The following FAM78B variants were observed in gnomAD, a reference collection of about 807,000 sequenced individuals.
The protein encoded by FAM78B is family with sequence similarity 78 member B.
In FAM78B, 10 loss-of-function variants were observed where a neutral mutation model predicts 20.0. That is an observed-to-expected ratio of 0.50 (90% CI 0.31 to 0.85). The LOEUF is 0.85. Ranked by LOEUF, FAM78B falls within the 40% of genes least tolerant of loss-of-function variation. FAM78B has a pLI of 0.05. For missense variants in FAM78B, 283 were observed against 345.0 expected (o/e 0.82, Z 1.42); for synonymous variants, 135 against 132.8 (o/e 1.02, Z -0.12).
intron 1 of FAM78B, among the ~76,000 whole-genome samples, chr1:166,123,004 C>T (rs1243832424): frequency 6.6e-6 from 1 of 152,122 alleles, no homozygotes; most frequent in African/African-American, 2.4e-5. Context: ...AGCCTGATTT[C>T]AATCAGGGGC....
intron 1 of FAM78B, among the ~76,000 whole-genome samples, chr1:166,153,319 T>A (rs1238597596): frequency 6.6e-6 from 1 of 152,130 alleles, no homozygotes; most frequent in African/African-American, 2.4e-5. Flanking sequence ...GGGAAGGGCA[T>A]CTGGCTAAAG....
intron 1 of FAM78B, among the ~76,000 whole-genome samples, chr1:166,093,987 C>A (rs1364149559): frequency 7.9e-6 from 1 of 126,294 alleles, no homozygotes; most frequent in Non-Finnish European, 1.7e-5. Flanking sequence ...GAGGGGCACA[C>A]AGGGCTTGCG....
At chr1:166,153,320 C>T (rs1158484618) in intron 1 of FAM78B, among the ~76,000 whole-genome samples, 4 of 152,210 alleles carry the variant, frequency 2.6e-5, no homozygotes, top group African/African-American at 9.6e-5. Flanking sequence ...GGAAGGGCAT[C>T]TGGCTAAAGC....
At chr1:166,107,983 G>C (rs1653852696) in intron 1 of FAM78B, among the ~76,000 whole-genome samples, 1 of 152,070 alleles carries the variant, frequency 6.6e-6, no homozygotes, top group Admixed American at 6.6e-5. Flanking sequence ...AGGCATACAA[G>C]GGACATACCT....
intron 1 of FAM78B, among the ~76,000 whole-genome samples, chr1:166,136,943 A>G (rs989242556): frequency 1.3e-5 from 2 of 152,224 alleles, no homozygotes; most frequent in Non-Finnish European, 2.9e-5. Context: ...CGTATGGCTC[A>G]TAACTATCAT....
chr1:166,121,507 T>C (rs1481517639), intron 1 of FAM78B, among the ~76,000 whole-genome samples: 1 of 152,146 alleles, frequency 6.6e-6, no homozygotes, highest in Non-Finnish European at 1.5e-5. Context: ...TCTGTGTTCT[T>C]GGCCCTTCAG....
chr1:166,060,613 T>C, exon 3 of FAM78B: 1 of 1,289,142 alleles, frequency 7.8e-7, no homozygotes, highest in East Asian at 5.6e-5. Context: ...TCCTTCTCAG[T>C]CTCTGCCATG....
chr1:166,137,090 T>C (rs1490048634), intron 1 of FAM78B, among the ~76,000 whole-genome samples: 1 of 152,212 alleles, frequency 6.6e-6, no homozygotes, highest in Non-Finnish European at 1.5e-5. Context: ...GATGACGTGA[T>C]GTAGAGAGCA....
At chr1:166,160,012 C>T (rs1656082019) in intron 1 of FAM78B, among the ~76,000 whole-genome samples, 1 of 152,204 alleles carries the variant, frequency 6.6e-6, no homozygotes, top group African/African-American at 2.4e-5. Flanking sequence ...AGTGTTTCTG[C>T]TGAGAAGCAG....
At chr1:166,125,205 T>G (rs1034200500) in intron 1 of FAM78B, among the ~76,000 whole-genome samples, 2 of 152,206 alleles carry the variant, frequency 1.3e-5, no homozygotes, top group African/African-American at 4.8e-5. Context: ...GTTTAGCTTC[T>G]TTTTCCTATG....
At chr1:166,058,499 TTGTGTGTGTGTGTGTG>T (rs67247909) in exon 3 of FAM78B, 1 of 145,948 alleles carries the variant, frequency 6.9e-6, no homozygotes, top group Non-Finnish European at 1.5e-5. Flanking sequence ...TCCCTAGGCT[TTGTGTGTGTGTGTGTG>T]TGTGTGTGTG....
intron 1 of FAM78B, among the ~76,000 whole-genome samples, chr1:166,146,721 A>G (rs1342729882): frequency 1.3e-5 from 2 of 152,226 alleles, no homozygotes; most frequent in East Asian, 3.8e-4. Context: ...TGGGATGTTA[A>G]AAGTAGACAA....
At chr1:166,079,386 A>G (rs1652475578) in intron 1 of FAM78B, among the ~76,000 whole-genome samples, 1 of 152,034 alleles carries the variant, frequency 6.6e-6, no homozygotes, top group East Asian at 1.9e-4. Flanking sequence ...ATGTCCCTAA[A>G]CATACCTCCA....
intron 1 of FAM78B, among the ~76,000 whole-genome samples, chr1:166,103,852 A>T (rs1653649640): frequency 6.6e-6 from 1 of 152,222 alleles, no homozygotes; most frequent in South Asian, 2.1e-4. Context: ...AACTCATTTT[A>T]TGAGGCCAGC....
intron 1 of FAM78B, among the ~76,000 whole-genome samples, chr1:166,165,663 A>G (rs1037126925): frequency 1.3e-5 from 2 of 151,850 alleles, no homozygotes; most frequent in Non-Finnish European, 2.9e-5. Context: ...GGCGCCCTGA[A>G]ACTCGCCAGG....
intron 1 of FAM78B, among the ~76,000 whole-genome samples, chr1:166,160,764 G>A (rs1429036632): frequency 6.6e-6 from 1 of 152,220 alleles, no homozygotes; most frequent in East Asian, 1.9e-4. Context: ...TATGGGCCAT[G>A]CACTGTTCAT....
At chr1:166,156,161 A>G (rs886659934) in intron 1 of FAM78B, among the ~76,000 whole-genome samples, 1 of 152,244 alleles carries the variant, frequency 6.6e-6, no homozygotes, top group Non-Finnish European at 1.5e-5. Flanking sequence ...TTTGCGAGGC[A>G]GGCCTCGCAC....
chr1:166,143,837 T>G (rs957769513), intron 1 of FAM78B, among the ~76,000 whole-genome samples: 2 of 152,282 alleles, frequency 1.3e-5, no homozygotes, highest in African/African-American at 2.4e-5. Context: ...CGTGAGCCCC[T>G]GTGCCAAACA....
chr1:166,094,643 T>C (rs796655326), intron 1 of FAM78B, among the ~76,000 whole-genome samples: 3 of 152,330 alleles, frequency 2.0e-5, no homozygotes, highest in African/African-American at 7.2e-5. Context: ...GGAGACAGAA[T>C]GTGCCTTAAT....
Sources: gnomAD v4.1 joint callset for allele counts (sites outside exome capture counted in the v4.1 genomes callset) on GRCh38, gnomAD v4.1.1 for gene constraint, MANE v1.5 for transcripts, NCBI Gene and HGNC (gene_info 2026-07-23, HGNC 2026-07-21) for gene names.